The following PDS5A variants were observed in gnomAD, a reference collection of about 807,000 sequenced individuals.
PDS5A encodes the protein PDS5 cohesin associated factor A, also known as sister chromatid cohesion protein PDS5 homolog A.
A neutral mutation model predicts 167.1 loss-of-function variants in PDS5A; 42 were observed. That is an observed-to-expected ratio of 0.25 (90% CI 0.20 to 0.33). The LOEUF is 0.33. Ranked by LOEUF, PDS5A falls within the 10% of genes least tolerant of loss-of-function variation. The pLI, the probability that PDS5A is intolerant of heterozygous loss-of-function variation, is 1.00. For synonymous variants in PDS5A, 553 were observed against 554.6 expected (o/e 1.00, Z 0.04); for missense variants, 1,033 against 1,605.9 (o/e 0.64, Z 6.10).
At chr4:39,916,800 A>G (rs1724431419) in intron 8 of PDS5A, among the ~76,000 whole-genome samples, 1 of 152,000 alleles carries the variant, frequency 6.6e-6, no homozygotes, top group Non-Finnish European at 1.5e-5. Context: ...TGGGGGGCAA[A>G]GGTTGCAGTG....
At chr4:39,909,018 AAC>A (rs1723636243) in intron 10 of PDS5A, 1 of 143,330 alleles carries the variant, frequency 7.0e-6, no homozygotes, top group Non-Finnish European at 1.6e-5. Flanking sequence ...CAGCCTGGGT[AAC>A]AGAGTGACGC....
intron 26 of PDS5A, among the ~76,000 whole-genome samples, chr4:39,852,534 G>A (rs892675092): frequency 3.9e-5 from 6 of 152,022 alleles, no homozygotes; most frequent in Admixed American, 1.3e-4. Flanking sequence ...CCTTTTTGCC[G>A]TAACTGAAAC....
chr4:39,884,495 C>T (rs568738953), intron 17 of PDS5A, among the ~76,000 whole-genome samples: 1 of 152,316 alleles, frequency 6.6e-6, no homozygotes, highest in Non-Finnish European at 1.5e-5. Context: ...TGTCCTATGC[C>T]TTTCTGAATC....
At chr4:39,888,748 C>T (rs1288484748) in intron 17 of PDS5A, among the ~76,000 whole-genome samples, 1 of 151,018 alleles carries the variant, frequency 6.6e-6, no homozygotes, top group African/African-American at 2.4e-5. Flanking sequence ...AAATGTGAAC[C>T]TCATGATGAC....
At chr4:39,975,441 G>A (rs1730997003) in intron 2 of PDS5A, among the ~76,000 whole-genome samples, 1 of 152,230 alleles carries the variant, frequency 6.6e-6, no homozygotes, top group Non-Finnish European at 1.5e-5. Flanking sequence ...ATTTGGCCAA[G>A]TGGCCCAAGG....
At position 39,823,678 on chromosome 4, in the gene PDS5A, T is replaced by C. The variant is rs1337335283; in HGVS notation, c.*1807A>G. The C allele has an allele frequency of 6.6e-6, 1 of 152,608 alleles. No homozygotes were observed. Among genetic ancestry groups the C allele is most frequent in the African/African-American group, 2.4e-5 (1 of 41,440 alleles). 9.5% of individuals were successfully genotyped at this position (152,608 alleles called of 1,614,324 possible). A position where few individuals can be genotyped will look rare whatever the true frequency, so the allele number is the denominator to read the frequency against. Reference sequence around the variant, plus strand: ...CTCTTTTTCAGCATGTTGGAGGCAATATTTTATACTTTCTAAAGGGTTCTG... The same window carrying C: ...CTCTTTTTCAGCATGTTGGAGGCAACATTTTATACTTTCTAAAGGGTTCTG... On this transcript the variant is annotated 3_prime_UTR_variant, in exon 33 of 33. Coordinates refer to ENST00000303538, the MANE Select transcript of PDS5A (RefSeq NM_001100399.2).
At chr4:39,871,950 C>T (rs546963660) in intron 21 of PDS5A, among the ~76,000 whole-genome samples, 36 of 152,162 alleles carry the variant, frequency 2.4e-4, no homozygotes, top group Non-Finnish European at 4.4e-4. Context: ...AGGTGATCCA[C>T]CCACCTCGGC....
At chr4:39,913,870 A>G in intron 8 of PDS5A, 144 bp from the exon 9 acceptor site, 2 of 609,404 alleles carry the variant, frequency 3.3e-6, no homozygotes. Flanking sequence ...CTCACTTACT[A>G]TGCAGAAATT....
intron 14 of PDS5A, 94 bp downstream of exon 14, chr4:39,900,332 T>C (rs376926877): frequency 1.4e-6 from 1 of 722,130 alleles, no homozygotes; most frequent in Non-Finnish European, 2.4e-6. Context: ...ATAAAACAAC[T>C]GAGATACTTT....
intron 2 of PDS5A, among the ~76,000 whole-genome samples, chr4:39,949,265 A>G (rs1012517464): frequency 5.7e-5 from 8 of 141,442 alleles, no homozygotes; most frequent in African/African-American, 2.1e-4. Flanking sequence ...TGGAGCCACT[A>G]CATTTTAGCG....
chr4:39,909,156 C>T (rs2109678123), intron 10 of PDS5A, among the ~76,000 whole-genome samples: 1 of 151,314 alleles, frequency 6.6e-6, no homozygotes, highest in East Asian at 1.9e-4. Context: ...ACAACAAAAA[C>T]AGCCTGTCAC....
intron 12 of PDS5A, 46 bp from the exon 13 acceptor site, chr4:39,902,506 C>T: frequency 1.0e-6 from 1 of 975,914 alleles, no homozygotes. Flanking sequence ...CACAATTATT[C>T]CATTTTTAAG....
At chr4:39,846,671 G>A (rs979259309) in intron 28 of PDS5A, 2 of 152,136 alleles carry the variant, frequency 1.3e-5, no homozygotes, top group Admixed American at 6.5e-5. Flanking sequence ...GCCTTTTCCT[G>A]CTTAATATCT....
intron 11 of PDS5A, among the ~76,000 whole-genome samples, chr4:39,905,935 TAAAA>T (rs760995804): frequency 1.5e-5 from 2 of 133,010 alleles, no homozygotes; most frequent in South Asian, 2.3e-4. Context: ...ATTTAAAAAA[TAAAA>T]AAGAAAAGAA....
intron 32 of PDS5A, among the ~76,000 whole-genome samples, chr4:39,828,712 G>C (rs983082554): frequency 2.6e-5 from 4 of 152,166 alleles, no homozygotes; most frequent in Admixed American, 2.6e-4. Flanking sequence ...TCTGGAGGTG[G>C]TGCAAGTGTA....
At chr4:39,945,152 C>A (rs973550651) in intron 2 of PDS5A, among the ~76,000 whole-genome samples, 1 of 151,898 alleles carries the variant, frequency 6.6e-6, no homozygotes, top group African/African-American at 2.4e-5. Flanking sequence ...ATAAGTTGTC[C>A]AAGGGCATAA....
At chr4:39,926,327 G>A (rs1032216458) in intron 4 of PDS5A, among the ~76,000 whole-genome samples, 12 of 152,022 alleles carry the variant, frequency 7.9e-5, no homozygotes, top group African/African-American at 2.9e-4. Context: ...TTTGAGACCA[G>A]CCTCAACATG....
At chr4:39,885,449 A>T (rs1039894320) in intron 17 of PDS5A, among the ~76,000 whole-genome samples, 4 of 151,244 alleles carry the variant, frequency 2.6e-5, no homozygotes, top group African/African-American at 7.3e-5. Context: ...AAGAACTTTT[A>T]AAAAAATTAG....
rs201800095 is a variant in PDS5A at position 39,867,772 on chromosome 4, A to C, written c.2506-775T>G. Among the ~76,000 whole-genome samples, 211 of 90,646 alleles carry C rather than the reference A, an allele frequency of 2.3e-3. No individual in the cohort carries two copies. The South Asian group carries it at 0.025, about 11-fold the overall frequency. The allele number at this position is 90,646 out of a possible 152,430, so 59.5% of individuals were successfully genotyped here. On this transcript the variant is annotated intron_variant, in intron 22 of 32. Transcript: ENST00000303538. Reference sequence around the variant, plus strand: ...CACACACACACACACACACACACACACACCCCACAACTGTACTGATTGTGG... The same window carrying C: ...CACACACACACACACACACACACACCCACCCCACAACTGTACTGATTGTGG...
Sources: gnomAD v4.1 joint callset for allele counts (sites outside exome capture counted in the v4.1 genomes callset) on GRCh38, gnomAD v4.1.1 for gene constraint, MANE v1.5 for transcripts, NCBI Gene and HGNC (gene_info 2026-07-23, HGNC 2026-07-21) for gene names.